EVPL: variants seen among roughly 807,000 people sequenced by gnomAD.
The protein encoded by EVPL is 210 kDa cornified envelope precursor protein.
Under a neutral mutation model 129.7 loss-of-function variants are expected in EVPL, and 94 were observed. The observed-to-expected ratio is 0.72, with a 90% CI of 0.61 to 0.86. EVPL has a LOEUF of 0.86. EVPL is among the 40% of genes least tolerant of loss of function. The pLI, the probability that EVPL is intolerant of heterozygous loss-of-function variation, is 0.00. For missense variants in EVPL, 2,625 were observed against 2,721.1 expected, an observed-to-expected ratio of 0.96 and a Z score of 0.79; for synonymous variants, 1,172 against 1,191.1, an observed-to-expected ratio of 0.98 and a Z score of 0.33.
intron 8 of EVPL, 35 bp from the exon 9 acceptor site, chr17:76,021,598 C>CA: frequency 1.4e-6 from 2 of 1,464,718 alleles, no homozygotes; most frequent in Middle Eastern, 2.4e-4. Flanking sequence ...CGGACCACGC[C>CA]CCCCCCACGT....
At position 76,021,957 on chromosome 17, in the gene EVPL, C is replaced by T. The variant is rs376724301; in HGVS notation, c.717G>A (p.Leu239=). ...YTHLQGCTRQ[L]SALAEQQRRI... ...GGCGCTGCTGCTCAGCCAGGGCGCT[C>T]AGCTGCCGCGTGCAGCCCTGGAGGT... Residue 239 remains leucine, a synonymous_variant, in exon 7 of 22, where the codon CTG becomes CTA. Coordinates refer to ENST00000301607, the MANE Select transcript of EVPL (RefSeq NM_001988.4). 9 of 1,560,228 alleles carry T rather than the reference C, an allele frequency of 5.8e-6. No individual in the cohort carries two copies. The highest frequency in any genetic ancestry group is 1.4e-5 in the African/African-American group (1 of 73,776).
intron 9 of EVPL, among the ~76,000 whole-genome samples, chr17:76,019,855 C>G (rs1383308584): frequency 1.3e-5 from 2 of 152,100 alleles, no homozygotes; most frequent in Non-Finnish European, 2.9e-5. Flanking sequence ...CCTAAACCAA[C>G]TAAACACAAA....
rs969534894 is a variant in EVPL, at chr17:76,007,139, G to T, written c.6066C>A (p.Arg2022=). ...PAALEGYRCY[R]SASPTVPRSL... Reference sequence around the variant, plus strand: ...AGCGCGGGACGGTGGGGGAGGCGGAGCGGTAGCAGCGGTACCCCTCCAGTG... The same window carrying T: ...AGCGCGGGACGGTGGGGGAGGCGGATCGGTAGCAGCGGTACCCCTCCAGTG... The change falls in exon 22 of 22, where the codon CGC becomes CGA. Residue 2022 remains arginine, a synonymous_variant. Transcript: ENST00000301607. The surrounding 1 kb of genome is among the most constrained non-coding windows in gnomAD (Gnocchi z 8.8). The T allele has an allele frequency of 4.0e-6, 6 of 1,490,854 alleles. No individual in the cohort carries two copies. Among genetic ancestry groups the T allele is most frequent in the Non-Finnish European group, 5.4e-6 (6 of 1,119,180 alleles). 92.4% of individuals were successfully genotyped at this position (1,490,854 alleles called of 1,614,324 possible). A position where few individuals can be genotyped will look rare whatever the true frequency, so the allele number is the denominator to read the frequency against.
rs747335761 is a variant in EVPL, at chr17:76,011,583, A to C, written c.2654T>G (p.Leu885Arg). 6 of 1,614,046 alleles carry C rather than the reference A, an allele frequency of 3.7e-6. No individual in the cohort carries two copies. The highest frequency in any genetic ancestry group is 5.1e-6 in the Non-Finnish European group (6 of 1,179,888). ...TAGGTGTTGTCTGTGTACCTTCTCC[A>C]GCATTTTTCTAGCAAACTCCAGCTG... ...LQQLEFARKM[L>R]EKKELSEDIR... Residue 885 changes from leucine to arginine, a missense_variant, in exon 21 of 22, where the codon CTG becomes CGG. Leu to Arg is a moderately radical substitution (Grantham distance 102). Transcript: ENST00000301607.
chr17:76,020,674 C>G (rs1438500389), intron 9 of EVPL, among the ~76,000 whole-genome samples: 1 of 150,820 alleles, frequency 6.6e-6, no homozygotes. Context: ...ATTTAATTTC[C>G]CCCCACCTCA....
intron 18 of EVPL, among the ~76,000 whole-genome samples, chr17:76,012,742 C>CTT (rs56349197): frequency 6.0e-5 from 7 of 117,526 alleles, no homozygotes; most frequent in Admixed American, 8.6e-5. Context: ...TCTTTCTTTT[C>CTT]TTTTTTTTTT....
At chr17:76,023,683 A>T in intron 2 of EVPL, 29 bp from the exon 3 acceptor site, 1 of 1,513,730 alleles carries the variant, frequency 6.6e-7, no homozygotes, top group Non-Finnish European at 8.9e-7. Flanking sequence ...CAGACTGGCC[A>T]GGGCCCAGAG....
chr17:76,010,613 T>G (rs1262603612), intron 21 of EVPL, 70 bp from the exon 22 acceptor site: 1 of 1,471,412 alleles, frequency 6.8e-7, no homozygotes. Context: ...TTTCCTGAGA[T>G]GAAAGACCCC....
rs978574347 is a variant in EVPL at position 76,013,666 on chromosome 17, C to T, written c.2373+760G>A. On this transcript the variant is annotated intron_variant, in intron 18 of 21. Transcript: ENST00000301607. The surrounding 1 kb of genome is among the most constrained non-coding windows in gnomAD (Gnocchi z 4.3). ...ATCTCCATCTCAGATCTGCCCACCT[C>T]GCCCTGTGCCATGGTCCCTTCCCCG... is the stretch of plus-strand genomic sequence containing the variant. Among the ~76,000 whole-genome samples the T allele has an allele frequency of 1.5e-4, 23 of 152,186 alleles. No homozygotes were observed. The highest frequency in any genetic ancestry group is 5.3e-4 in the African/African-American group (22 of 41,432).
rs1291046258 is a variant in EVPL, at chr17:76,018,575, T to C, written c.1310A>G (p.Tyr437Cys). ...CGGGTCAGTGTTATCTACCAGCTTA[T>C]ACCGCTCACCCTGCAGCAGCTGCAC... ...GEVQLLQGER[Y>C]KLVDNTDPHA... Residue 437 changes from tyrosine to cysteine, a missense_variant, in exon 12 of 22, where the codon TAT (tyrosine) becomes TGT (cysteine). This residue lies in a region of EVPL where 1,024 missense variants were observed against 997.5 expected (regional missense o/e 1.03). Transcript: ENST00000301607. 1.9e-6 allele frequency: 3 copies of C among 1,608,096 alleles called. No homozygotes were observed. Among genetic ancestry groups the C allele is most frequent in the Non-Finnish European group, 1.7e-6 (2 of 1,177,356 alleles).
chr17:76,024,099 G>T lies in EVPL; in HGVS notation c.120C>A (p.Ala40=). The T allele has an allele frequency of 6.2e-7, 1 of 1,613,820 alleles. No homozygotes were observed. The highest frequency in any genetic ancestry group is 8.5e-7 in the Non-Finnish European group (1 of 1,179,942). ...RHSRAATQEL[A]LLISRMQANA... The stretch of plus-strand genomic sequence containing the variant: ...TGGCTTGCATGCGGGAGATGAGAAG[G>T]GCCAGCTCCTGGGTGGCAGCCCTAG... The change falls in exon 2 of 22, where the codon GCC becomes GCA. Residue 40 remains alanine (A), a synonymous_variant. Transcript: ENST00000301607. This position sits in a 1 kb window ranked among gnomAD's most constrained non-coding sequence, Gnocchi z 4.5.
rs1288434402 is a variant in EVPL at position 76,008,813 on chromosome 17, T to C, written c.4392A>G (p.Glu1464=). 3 of 1,613,702 alleles carry C rather than the reference T, an allele frequency of 1.9e-6. No individual in the cohort carries two copies. The highest frequency in any genetic ancestry group is 1.7e-6 in the Non-Finnish European group (2 of 1,179,896). The change falls in exon 22 of 22, where the codon GAA becomes GAG. Residue 1464 remains glutamate (E), a synonymous_variant. Coordinates refer to ENST00000301607, the MANE Select transcript of EVPL (RefSeq NM_001988.4). This position sits in a 1 kb window ranked among gnomAD's most constrained non-coding sequence, Gnocchi z 7.4. ...CCGGGTCCTTCTCCAGCTTGACCAC[T>C]TCCTCCATGATGATCTTCTCCTGCA... ...PTVQEKIIME[E]VVKLEKDPDL... is the part of the protein sequence containing the mutation.
chr17:76,023,321 C>T lies in EVPL; in HGVS notation c.451G>A (p.Asp151Asn), dbSNP rs145827135. The T allele has an allele frequency of 5.1e-5, 83 of 1,613,926 alleles. 1 individual carries two copies. In the Admixed American group the frequency reaches 7.5e-4, roughly 15 times the overall value. Reference sequence around the variant, plus strand: ...TTCTGCTCCAGCACGCGTGCCCAGTCGACCCTGGGTCCCACGTCGGGGGGC... The same window carrying T: ...TTCTGCTCCAGCACGCGTGCCCAGTTGACCCTGGGTCCCACGTCGGGGGGC... ...VLPPDVGPRV[D>N]WARVLEQKQK... The change falls in exon 4 of 22, where the codon GAC becomes AAC. Residue 151 changes from aspartate to asparagine, a missense_variant. Around this residue, in one of 4 missense-constraint regions of EVPL, gnomAD observed 1,024 missense variants for 997.5 expected, o/e 1.03. Coordinates refer to ENST00000301607, the MANE Select transcript of EVPL (RefSeq NM_001988.4).
At chr17:76,025,009 G>C (rs79787028) in intron 1 of EVPL, among the ~76,000 whole-genome samples, 1 of 152,196 alleles carries the variant, frequency 6.6e-6, no homozygotes, top group Non-Finnish European at 1.5e-5. Context: ...GGCCCCCCCA[G>C]GCAAAGGGAC....
At chr17:76,015,402 G>A (rs1001748329) in intron 15 of EVPL, 37 bp from the exon 16 acceptor site, 4 of 1,603,792 alleles carry the variant, frequency 2.5e-6, no homozygotes, top group Non-Finnish European at 1.7e-6. Flanking sequence ...CACTCCCTGG[G>A]CCACACGCTG....
chr17:76,006,978 A>G lies in EVPL; in HGVS notation c.*125T>C. The G allele has an allele frequency of 9.0e-7, 1 of 1,113,490 alleles. No homozygotes were observed. The highest frequency in any genetic ancestry group is 1.6e-5 in the African/African-American group (1 of 62,638). 69.0% of individuals were successfully genotyped at this position (1,113,490 alleles called of 1,614,324 possible). On this transcript the variant is annotated 3_prime_UTR_variant, in exon 22 of 22. Transcript: ENST00000301607. The stretch of plus-strand genomic sequence containing the variant: ...GGGAGCCCATCACCATGTTAGTAAA[A>G]TAATAAAACAGTGGTTGGACAGAGG...
rs776911717 is a variant in EVPL, at chr17:76,007,509, G to A, written c.5696C>T (p.Ala1899Val). 1.4e-5 allele frequency: 23 copies of A among 1,613,672 alleles called. No individual in the cohort carries two copies. The Middle Eastern group carries it at 9.9e-4, about 69-fold the overall frequency. ...ENTSTQRLLN[A>V]QKAFTGIEDP... ...CTCGATGCCGGTGAAGGCCTTCTGG[G>A]CGTTAAGCAGCCTCTGTGTGGAGGT... The change falls in exon 22 of 22, where the codon GCC (alanine) becomes GTC (valine). Residue 1899 changes from alanine (A) to valine (V), a missense_variant. By Grantham distance (64) the Ala-to-Val change is moderately conservative. This residue lies in a region of EVPL where 1,453 missense variants were observed against 1,511.8 expected (regional missense o/e 0.96). Coordinates refer to ENST00000301607, the MANE Select transcript of EVPL (RefSeq NM_001988.4). This position sits in a 1 kb window ranked among gnomAD's most constrained non-coding sequence, Gnocchi z 8.8.
At position 76,009,051 on chromosome 17, in the gene EVPL, C is replaced by T. The variant is rs558087024; in HGVS notation, c.4154G>A (p.Arg1385His). The T allele has an allele frequency of 5.8e-5, 94 of 1,613,598 alleles. No homozygotes were observed. The highest frequency in any genetic ancestry group is 3.8e-4 in the East Asian group (17 of 44,874). The change falls in exon 22 of 22, where the codon CGC becomes CAC. Residue 1385 changes from arginine (R) to histidine (H), a missense_variant. By Grantham distance (29) the Arg-to-His change is conservative (BLOSUM62 0). This residue lies in a region of EVPL where 1,453 missense variants were observed against 1,511.8 expected (regional missense o/e 0.96). Coordinates refer to ENST00000301607, the MANE Select transcript of EVPL (RefSeq NM_001988.4). The surrounding 1 kb of genome is among the most constrained non-coding windows in gnomAD (Gnocchi z 5.9). ...CCCGCTCAGCCGGCTGTGCTCCTCG[C>T]GCAGCTTCGGGTCCTTCTGGGTGAC... Reference protein sequence around the residue: ...VVVTQKDPKLREEHSRLSGSL... With the variant: ...VVVTQKDPKLHEEHSRLSGSL...
chr17:76,008,831 C>T lies in EVPL; in HGVS notation c.4374G>A (p.Glu1458=), dbSNP rs550275335. ...TGACCACTTCCTCCATGATGATCTTCTCCTGCACCGTGGGAGGCCGCTTCT... is the reference window on the plus strand; with the variant it reads ...TGACCACTTCCTCCATGATGATCTTTTCCTGCACCGTGGGAGGCCGCTTCT... ...ELEKRPPTVQ[E]KIIMEEVVKL... is the part of the protein sequence containing the mutation. The change falls in exon 22 of 22, where the codon GAG becomes GAA. Residue 1458 remains glutamate (E), a synonymous_variant. Transcript: ENST00000301607. This position sits in a 1 kb window ranked among gnomAD's most constrained non-coding sequence, Gnocchi z 7.4. 9.9e-6 allele frequency: 16 copies of T among 1,614,012 alleles called. No individual in the cohort carries two copies. In the East Asian group the frequency reaches 1.1e-4, roughly 11 times the overall value.
Sources: gnomAD v4.1 joint callset for allele counts (sites outside exome capture counted in the v4.1 genomes callset) on GRCh38, gnomAD v4.1.1 for gene constraint, gnomAD v4.1.1 regional missense constraint, Gnocchi (gnomAD v3.1) non-coding constraint, MANE v1.5 for transcripts, NCBI Gene and HGNC (gene_info 2026-07-23, HGNC 2026-07-21) for gene names.